PCDHGA5: variants seen among roughly 807,000 people sequenced by gnomAD.
The protein encoded by PCDHGA5 is protocadherin gamma-A5.
In PCDHGA5, 36 loss-of-function variants were observed where a neutral mutation model predicts 56.7. The observed-to-expected ratio is 0.64, with a 90% CI of 0.49 to 0.84. The LOEUF (loss-of-function observed/expected upper bound fraction) is 0.84. PCDHGA5 is among the 40% of genes least tolerant of loss of function. PCDHGA5 has a pLI of 0.00. For missense variants in PCDHGA5, 1,305 were observed against 1,201.5 expected (o/e 1.09, Z -1.27); for synonymous variants, 563 against 520.2 (o/e 1.08, Z -1.12).
At chr5:141,405,047 G>A in intron 1 of PCDHGA5, 4 of 1,613,944 alleles carry the variant, frequency 2.5e-6, no homozygotes, top group Non-Finnish European at 2.5e-6. Context: ...GGCTGTGGCA[G>A]TCGTCTCCTG....
chr5:141,376,688 T>G (rs959333255), intron 1 of PCDHGA5: 5 of 824,852 alleles, frequency 6.1e-6, no homozygotes, highest in Non-Finnish European at 9.0e-6. Context: ...TTTTTTTTTT[T>G]TTTTTTTTTG....
At chr5:141,499,168 C>T (rs1169979036) in intron 2 of PCDHGA5, among the ~76,000 whole-genome samples, 3 of 152,184 alleles carry the variant, frequency 2.0e-5, no homozygotes, top group African/African-American at 7.2e-5. Context: ...GTCTCAAGCT[C>T]TGAGCCCAGC....
intron 1 of PCDHGA5, chr5:141,371,543 A>G (rs1209242275): frequency 3.1e-6 from 5 of 1,613,694 alleles, no homozygotes; most frequent in Non-Finnish European, 4.2e-6. Flanking sequence ...GAGAAATCCT[A>G]TGCCAACTAA....
At position 141,485,326 on chromosome 5, in the gene PCDHGA5, T is replaced by C. The variant is rs2154580391; in HGVS notation, c.2422-9481T>C. On this transcript the variant is annotated intron_variant, in intron 1 of 3. Coordinates refer to ENST00000518069, the MANE Select transcript of PCDHGA5 (RefSeq NM_018918.3). This position sits in a 1 kb window ranked among gnomAD's most constrained non-coding sequence, Gnocchi z 5.7. ...CTTTTGTAGGGAATGTCGCTCAAGATTTCCTGCTGGATACGGACAGTCTGT... is the reference window on the plus strand; with the variant it reads ...CTTTTGTAGGGAATGTCGCTCAAGACTTCCTGCTGGATACGGACAGTCTGT... 1 of 1,614,106 alleles carries C rather than the reference T, an allele frequency of 6.2e-7. No homozygotes were observed. The highest frequency in any genetic ancestry group is 1.7e-5 in the Admixed American group (1 of 60,028).
intron 1 of PCDHGA5, chr5:141,395,362 T>A: frequency 1.5e-6 from 2 of 1,294,628 alleles, no homozygotes; most frequent in Non-Finnish European, 1.0e-6. Context: ...AGTTTTGGGT[T>A]TATTTTGGTG....
At chr5:141,396,104 A>T (rs1423560620) in intron 1 of PCDHGA5, 1 of 152,258 alleles carries the variant, frequency 6.6e-6, no homozygotes, top group African/African-American at 2.4e-5. Flanking sequence ...TGTTGATATT[A>T]AGAACCAATG....
rs2099642802 is a variant in PCDHGA5, at chr5:141,487,311, CTAAG to C, written c.2422-7494_2422-7491del. The C allele has an allele frequency of 1.2e-6, 2 of 1,614,058 alleles. No individual in the cohort carries two copies. On this transcript the variant is annotated intron_variant, in intron 1 of 3. Coordinates refer to ENST00000518069, the MANE Select transcript of PCDHGA5 (RefSeq NM_018918.3). This position sits in a 1 kb window ranked among gnomAD's most constrained non-coding sequence, Gnocchi z 5.0. ...TTTGGCTCATTCGTGGCACTACTCTCTAAGTGTCTTCGTGGGGCAGCCTGTGGAG... is the reference window on the plus strand; with the variant it reads ...TTTGGCTCATTCGTGGCACTACTCTCTGTCTTCGTGGGGCAGCCTGTGGAG...
intron 1 of PCDHGA5, chr5:141,385,077 G>A (rs752305852): frequency 9.9e-6 from 16 of 1,614,096 alleles, no homozygotes; most frequent in Non-Finnish European, 1.4e-5. Flanking sequence ...GCCTGCTGCA[G>A]GCTTCAGAAG....
intron 1 of PCDHGA5, among the ~76,000 whole-genome samples, chr5:141,460,983 G>GTGTGTGTA (rs1554142949): frequency 2.2e-5 from 3 of 137,844 alleles, no homozygotes; most frequent in African/African-American, 7.7e-5. Flanking sequence ...GTGTGTGTGT[G>GTGTGTGTA]TATATATATA....
At chr5:141,383,622 C>G (rs780650375) in intron 1 of PCDHGA5, 19 of 1,613,798 alleles carry the variant, frequency 1.2e-5, no homozygotes, top group Admixed American at 3.3e-5. Flanking sequence ...ACACGCCTGT[C>G]TTCTCTCTGC....
intron 1 of PCDHGA5, chr5:141,418,849 G>T (rs1479117344): frequency 1.5e-5 from 25 of 1,613,886 alleles, no homozygotes; most frequent in Non-Finnish European, 1.8e-5. Context: ...TCTCAACACG[G>T]TGTAAAGTAA....
At chr5:141,410,532 A>G in intron 1 of PCDHGA5, 1 of 1,613,908 alleles carries the variant, frequency 6.2e-7, no homozygotes, top group Non-Finnish European at 8.5e-7. Context: ...CATTCCAATG[A>G]AGACATGGTT....
intron 1 of PCDHGA5, chr5:141,413,734 C>A: frequency 6.2e-7 from 1 of 1,613,422 alleles, no homozygotes; most frequent in Non-Finnish European, 8.5e-7. Context: ...CCTAAGAGTT[C>A]AGAGCCGTGC....
At chr5:141,421,889 C>T (rs1280668349) in intron 1 of PCDHGA5, 5 of 1,613,574 alleles carry the variant, frequency 3.1e-6, no homozygotes, top group African/African-American at 1.3e-5. Flanking sequence ...GGAGGCGATC[C>T]CATCCGAAAG....
chr5:141,402,223 T>C (rs1329025694), intron 1 of PCDHGA5, among the ~76,000 whole-genome samples: 1 of 152,054 alleles, frequency 6.6e-6, no homozygotes, highest in Non-Finnish European at 1.5e-5. Context: ...AAATAAACGT[T>C]TTTCCAGGAA....
intron 1 of PCDHGA5, among the ~76,000 whole-genome samples, chr5:141,452,988 T>C (rs2098753680): frequency 6.6e-6 from 1 of 152,228 alleles, no homozygotes; most frequent in Admixed American, 6.5e-5. Context: ...AGTACTGTGC[T>C]GAAAAGTTAC....
chr5:141,385,508 G>T (rs1430201636), intron 1 of PCDHGA5: 6 of 1,372,088 alleles, frequency 4.4e-6, no homozygotes, highest in Non-Finnish European at 5.6e-6. Flanking sequence ...TATTTCTTTA[G>T]TGAAAGCCTA....
At chr5:141,438,605 T>TAC (rs2098010130) in intron 1 of PCDHGA5, among the ~76,000 whole-genome samples, 1 of 27,802 alleles carries the variant, frequency 3.6e-5, no homozygotes. Flanking sequence ...TATATATATA[T>TAC]ATATATATAT....
rs757926227 is a variant in PCDHGA5, at chr5:141,432,889, G to A, written c.2422-61918G>A. 1.6e-5 allele frequency: 26 copies of A among 1,614,180 alleles called. No individual in the cohort carries two copies. In the East Asian group the frequency reaches 5.8e-4, roughly 36 times the overall value. On this transcript the variant is annotated intron_variant, in intron 1 of 3. Transcript: ENST00000518069. This position sits in a 1 kb window ranked among gnomAD's most constrained non-coding sequence, Gnocchi z 6.0. ...GCGTCTTCCTGGCCTTCGTCATCTT[G>A]CTGCTGGCGCTCAGGCTGCGGCGCT...
Sources: gnomAD v4.1 joint callset for allele counts (sites outside exome capture counted in the v4.1 genomes callset) on GRCh38, gnomAD v4.1.1 for gene constraint, Gnocchi (gnomAD v3.1) non-coding constraint, MANE v1.5 for transcripts, NCBI Gene and HGNC (gene_info 2026-07-23, HGNC 2026-07-21) for gene names.